TVP23C: variants seen among roughly 807,000 people sequenced by gnomAD.
The protein encoded by TVP23C is Golgi apparatus membrane protein TVP23 homolog C.
TVP23C carries 19 observed loss-of-function variants against 28.7 expected under a neutral mutation model. That is an observed-to-expected ratio of 0.66 (90% confidence interval 0.46 to 0.97). The LOEUF (loss-of-function observed/expected upper bound fraction) is 0.97. Ranked by LOEUF, TVP23C falls within the 50% of genes least tolerant of loss-of-function variation. The pLI is 0.00. For synonymous variants in TVP23C, 68 were observed against 81.7 expected (o/e 0.83, Z 0.90); for missense variants, 186 against 241.3 (o/e 0.77, Z 1.52).
intron 3 of TVP23C, among the ~76,000 whole-genome samples, chr17:15,552,811 C>T (rs1470374326): frequency 6.6e-6 from 1 of 151,864 alleles, no homozygotes; most frequent in Non-Finnish European, 1.5e-5. Flanking sequence ...TGATTTTTTT[C>T]TCCACTATTT....
Position 15,545,817 on chromosome 17 carries a change from T to C in TVP23C, c.430A>G (p.Ser144Gly). The C allele has an allele frequency of 6.2e-7, 1 of 1,614,084 alleles. No homozygotes were observed. Among genetic ancestry groups the C allele is most frequent in the Non-Finnish European group, 8.5e-7 (1 of 1,179,982 alleles). ...CSVLWVIFAF[S>G]ALFSFTVKWL... ...TTTACTGTGAAGGAGAAGAGTGCACTAAAGGCAAATATCACCCACAGTACT... is the reference window on the plus strand; with the variant it reads ...TTTACTGTGAAGGAGAAGAGTGCACCAAAGGCAAATATCACCCACAGTACT... The change falls in exon 5 of 6, where the codon AGT becomes GGT. Residue 144 changes from serine to glycine, a missense_variant. Transcript: ENST00000518321.
At chr17:15,510,825 G>A (rs957775296) in intron 5 of TVP23C, among the ~76,000 whole-genome samples, 5 of 152,054 alleles carry the variant, frequency 3.3e-5, no homozygotes, top group African/African-American at 4.8e-5. Flanking sequence ...TTGGGAGGCC[G>A]AGGGCAGATC....
chr17:15,506,651 G>A (rs1597500999), intron 5 of TVP23C, among the ~76,000 whole-genome samples: 1 of 152,188 alleles, frequency 6.6e-6, no homozygotes. Context: ...CTGCTTTTAT[G>A]AGCTGTAACA....
At chr17:15,515,585 G>A (rs1485859463) in intron 5 of TVP23C, among the ~76,000 whole-genome samples, 1 of 152,162 alleles carries the variant, frequency 6.6e-6, no homozygotes, top group East Asian at 1.9e-4. Context: ...GTGCAAATAC[G>A]GGTATCGTTA....
intron 4 of TVP23C, 31 bp downstream of exon 4, chr17:15,547,027 TA>T: frequency 6.6e-7 from 1 of 1,507,656 alleles, no homozygotes; most frequent in Non-Finnish European, 8.9e-7. Flanking sequence ...ATTTAGCTGA[TA>T]ACATTATTTA....
intron 5 of TVP23C, among the ~76,000 whole-genome samples, chr17:15,506,579 G>C (rs552446764): frequency 3.0e-4 from 46 of 152,306 alleles, no homozygotes; most frequent in African/African-American, 1.1e-3. Context: ...TCCACACTGC[G>C]GAAGCTTTGT....
At position 15,538,065 on chromosome 17, in the gene TVP23C, G is replaced by A. The variant is rs922254019; in HGVS notation, c.*2347C>T. ...TTGCAACATGGACTAAGCTCTAAAA[G>A]GTTGAGTCAAGAATCTCTTCAGTTG... On this transcript the variant is annotated 3_prime_UTR_variant, in exon 6 of 6. Coordinates refer to ENST00000518321, the MANE Select transcript of TVP23C (RefSeq NM_001135036.2). The A allele has an allele frequency of 6.2e-7, 1 of 1,605,590 alleles. No individual in the cohort carries two copies. Among genetic ancestry groups the A allele is most frequent in the South Asian group, 1.1e-5 (1 of 89,610 alleles).
chr17:15,506,867 T>C (rs575702375), intron 5 of TVP23C: 11 of 721,536 alleles, frequency 1.5e-5, no homozygotes, highest in African/African-American at 1.0e-4. Flanking sequence ...CTATCAGCCG[T>C]GGTCAACCCC....
chr17:15,542,857 A>G (rs1019456345), intron 5 of TVP23C, among the ~76,000 whole-genome samples: 5 of 152,222 alleles, frequency 3.3e-5, no homozygotes, highest in African/African-American at 1.2e-4. Flanking sequence ...TACCTTGAGC[A>G]GTAGGATATA....
intron 3 of TVP23C, among the ~76,000 whole-genome samples, chr17:15,551,923 A>G (rs2150857935): frequency 6.6e-6 from 1 of 152,298 alleles, no homozygotes; most frequent in African/African-American, 2.4e-5. Flanking sequence ...CCTATTCTTG[A>G]CTTCTTAATT....
At chr17:15,503,378 C>A in intron 5 of TVP23C, 1 of 1,023,980 alleles carries the variant, frequency 9.8e-7, no homozygotes, top group Non-Finnish European at 1.4e-6. Context: ...GCACTCCAGC[C>A]TGGGCGACAG....
At chr17:15,532,823 A>G (rs1983003213), downstream of TVP23C, among the ~76,000 whole-genome samples, 1 of 152,224 alleles carries the variant, frequency 6.6e-6, no homozygotes, top group Non-Finnish European at 1.5e-5. Context: ...TAATATAAGC[A>G]GCATCTACTA....
chr17:15,551,940 C>T lies in TVP23C; in HGVS notation c.240+1745G>A, dbSNP rs1391158249. Among the ~76,000 whole-genome samples the T allele has an allele frequency of 4.6e-5, 7 of 152,282 alleles. No homozygotes were observed. The East Asian group carries it at 7.7e-4, about 17-fold the overall frequency. The stretch of plus-strand genomic sequence containing the variant: ...TATTCTTGACTTCTTAATTTTGCTT[C>T]ATATCTCCATTGTTTTGCTATCTAT... On this transcript the variant is annotated intron_variant, in intron 3 of 5. Coordinates refer to ENST00000518321, the MANE Select transcript of TVP23C (RefSeq NM_001135036.2).
In TVP23C at chr17:15,539,223, C is replaced by T. The variant is rs914455073; in HGVS notation, c.*1189G>A. 1.4e-5 allele frequency: 14 copies of T among 981,176 alleles called. No individual in the cohort carries two copies. Among genetic ancestry groups the T allele is most frequent in the Non-Finnish European group, 1.7e-5 (14 of 826,228 alleles). 60.8% of individuals were successfully genotyped at this position (981,176 alleles called of 1,614,324 possible). On this transcript the variant is annotated 3_prime_UTR_variant, in exon 6 of 6. Coordinates refer to ENST00000518321, the MANE Select transcript of TVP23C (RefSeq NM_001135036.2). Reference sequence around the variant, plus strand: ...AATCTTGTGCCCTCTAGGTGATTCTCATGTATGTTCGAGTTTAAGAATCCC... The same window carrying T: ...AATCTTGTGCCCTCTAGGTGATTCTTATGTATGTTCGAGTTTAAGAATCCC...
Position 15,538,057 on chromosome 17 carries a change from C to T in TVP23C, c.*2355G>A. ...ACTCCTCGTTGCAACATGGACTAAG[C>T]TCTAAAAGGTTGAGTCAAGAATCTC... On this transcript the variant is annotated 3_prime_UTR_variant, in exon 6 of 6. Coordinates refer to ENST00000518321, the MANE Select transcript of TVP23C (RefSeq NM_001135036.2). 13 of 1,600,258 alleles carry T rather than the reference C, an allele frequency of 8.1e-6. No homozygotes were observed. Among genetic ancestry groups the T allele is most frequent in the Non-Finnish European group, 1.0e-5 (12 of 1,174,358 alleles).
chr17:15,527,442 T>A (rs1982775165), intron 5 of TVP23C, among the ~76,000 whole-genome samples: 1 of 152,112 alleles, frequency 6.6e-6, no homozygotes, highest in South Asian at 2.1e-4. Flanking sequence ...TAGATGAGAA[T>A]CTAAATTAAA....
downstream of TVP23C, among the ~76,000 whole-genome samples, chr17:15,535,862 T>G (rs980367567): frequency 1.3e-5 from 2 of 152,172 alleles, no homozygotes; most frequent in African/African-American, 4.8e-5. Context: ...CATTAACACT[T>G]GAAGAAGGTA....
At position 15,502,981 on chromosome 17, in the gene TVP23C, G is replaced by T. The variant is rs532952595; in HGVS notation, c.714C>A (p.Pro238=). 38 of 1,614,114 alleles carry T rather than the reference G, an allele frequency of 2.4e-5. No homozygotes were observed. In the South Asian group the frequency reaches 3.2e-4, roughly 14 times the overall value. Residue 238 remains proline, a synonymous_variant, in exon 6 of 6, where the codon CCC becomes CCA. Transcript: ENST00000225576. ...GCCGCAAGGAGAGAAATAGGCGGGCGGGCGCCATCTGTTGGCAGTTGCCTG... is the reference window on the plus strand; with the variant it reads ...GCCGCAAGGAGAGAAATAGGCGGGCTGGCGCCATCTGTTGGCAGTTGCCTG...
chr17:15,524,706 G>GTC (rs1982646000), intron 5 of TVP23C, among the ~76,000 whole-genome samples: 1 of 139,960 alleles, frequency 7.1e-6, no homozygotes, highest in African/African-American at 2.9e-5. Flanking sequence ...TGGGGTCCCA[G>GTC]AGGGATGCAC....
Sources: allele counts gnomAD v4.1 joint callset (sites outside exome capture counted in the v4.1 genomes callset), GRCh38; gene constraint gnomAD v4.1.1; transcripts MANE v1.5; gene names NCBI Gene and HGNC (gene_info 2026-07-23, HGNC 2026-07-21).